Variants in RNF182 observed in about 807,000 individuals in gnomAD.
RNF182 encodes the protein E3 ubiquitin-protein ligase RNF182.
Under a neutral mutation model 14.4 loss-of-function variants are expected in RNF182, and 15 were observed. That is an observed-to-expected ratio of 1.04 (90% CI 0.70 to 1.60). RNF182 has a LOEUF of 1.60. RNF182 is among the 40% of genes most tolerant of loss of function. RNF182 has a pLI of 0.00. For missense variants in RNF182, 268 were observed against 294.8 expected, an observed-to-expected ratio of 0.91 and a Z score of 0.67; for synonymous variants, 128 against 122.9, an observed-to-expected ratio of 1.04 and a Z score of -0.27.
At chr6:13,953,542 T>C (rs183526474) in intron 1 of RNF182, among the ~76,000 whole-genome samples, 9 of 152,302 alleles carry the variant, frequency 5.9e-5, no homozygotes, top group Admixed American at 5.2e-4. Flanking sequence ...TCCAGTGTTT[T>C]ATATTCACGA....
At chr6:13,947,596 T>C in intron 1 of RNF182, among the ~76,000 whole-genome samples, 1 of 152,186 alleles carries the variant, frequency 6.6e-6, no homozygotes, top group East Asian at 1.9e-4. Context: ...TTTATGTGTG[T>C]CTGCAAATAT....
At chr6:13,941,457 C>T (rs537016244) in intron 1 of RNF182, among the ~76,000 whole-genome samples, 59 of 151,966 alleles carry the variant, frequency 3.9e-4, no homozygotes, top group South Asian at 6.2e-4. Context: ...TTTTATAAGC[C>T]GCATATAGCT....
intron 1 of RNF182, among the ~76,000 whole-genome samples, chr6:13,967,063 C>T (rs935943631): frequency 3.3e-5 from 5 of 152,044 alleles, no homozygotes; most frequent in Non-Finnish European, 1.5e-5. Flanking sequence ...GTCTCCAACT[C>T]TTGGGCTCAA....
At position 13,978,692 on chromosome 6, in the gene RNF182, A is replaced by G. The variant is rs925440998; in HGVS notation, c.*829A>G. 1 of 167,066 alleles carries G rather than the reference A, an allele frequency of 6.0e-6. No individual in the cohort carries two copies. The highest frequency in any genetic ancestry group is 2.4e-5 in the African/African-American group (1 of 41,444). The allele number at this position is 167,066 out of a possible 1,614,324, so 10.3% of individuals were successfully genotyped here. A position where few individuals can be genotyped will look rare whatever the true frequency, so the allele number is the denominator to read the frequency against. On this transcript the variant is annotated 3_prime_UTR_variant, in exon 3 of 3. Transcript: ENST00000488300. ...ATCTTAGTTTTGGTTTTTTTAAACC[A>G]CATTGCCCAATCAGCCTCACCCCTT...
chr6:13,973,027 T>A (rs1472636791), intron 1 of RNF182, among the ~76,000 whole-genome samples: 1 of 152,168 alleles, frequency 6.6e-6, no homozygotes, highest in Non-Finnish European at 1.5e-5. Context: ...AGGGAGGCTG[T>A]ACCCTACAGA....
chr6:13,944,166 T>C (rs1276180649), intron 1 of RNF182, among the ~76,000 whole-genome samples: 1 of 152,176 alleles, frequency 6.6e-6, no homozygotes, highest in East Asian at 1.9e-4. Context: ...GTAGAGGATT[T>C]ACATCTCAAA....
At position 13,938,567 on chromosome 6, in the gene RNF182, T is replaced by C. The variant is rs140388275; in HGVS notation, c.-367+13544T>C. Among the ~76,000 whole-genome samples, 583 of 152,314 alleles carry C rather than the reference T, an allele frequency of 3.8e-3. 4 individuals carry two copies. The highest frequency in any genetic ancestry group is 0.013 in the African/African-American group (547 of 41,572). ...TATTCTCCTATGCTACCAAGAAGTT[T>C]TATTGTTTTACTTTTCACATTTAGA... is the stretch of plus-strand genomic sequence containing the variant. On this transcript the variant is annotated intron_variant, in intron 1 of 2. Coordinates refer to ENST00000488300, the MANE Select transcript of RNF182 (RefSeq NM_152737.4).
chr6:13,929,802 C>G (rs1758920578), intron 1 of RNF182, among the ~76,000 whole-genome samples: 1 of 152,162 alleles, frequency 6.6e-6, no homozygotes, highest in African/African-American at 2.4e-5. Flanking sequence ...CTGATATCTA[C>G]TAAGTGTAGA....
At chr6:13,947,186 G>A (rs898466222) in intron 1 of RNF182, among the ~76,000 whole-genome samples, 2 of 152,136 alleles carry the variant, frequency 1.3e-5, no homozygotes, top group Non-Finnish European at 2.9e-5. Context: ...CATGCCTCAT[G>A]TTTCTTTTGA....
intron 1 of RNF182, among the ~76,000 whole-genome samples, chr6:13,925,541 T>C (rs1032831563): frequency 1.8e-4 from 28 of 152,124 alleles, no homozygotes; most frequent in African/African-American, 6.8e-4. Flanking sequence ...CGTTTGGATA[T>C]TGAATCGAAA....
chr6:13,960,692 T>TGTGTGTGTGCGCGCGC lies in RNF182; in HGVS notation c.-366-13517_-366-13516insTGTGTGTGCGCGCGCG, dbSNP rs367625022. ...GTGTGTGTGTGTGTGTGTGTGTGTG[T>TGTGTGTGTGCGCGCGC]GCGCGCGTGCACATGCATGTGATGT... On this transcript the variant is annotated intron_variant, in intron 1 of 2. Coordinates refer to ENST00000488300, the MANE Select transcript of RNF182 (RefSeq NM_152737.4). 6.4e-3 allele frequency among the ~76,000 whole-genome samples: 879 copies of TGTGTGTGTGCGCGCGC among 137,788 alleles called. 11 individuals carry two copies. The highest frequency in any genetic ancestry group is 0.021 in the African/African-American group (837 of 39,352). The allele number at this position is 137,788 out of a possible 152,430, so 90.4% of individuals were successfully genotyped here.
At chr6:13,926,546 T>C (rs550915834) in intron 1 of RNF182, among the ~76,000 whole-genome samples, 1 of 152,370 alleles carries the variant, frequency 6.6e-6, no homozygotes, top group African/African-American at 2.4e-5. Context: ...TTAAACTGAA[T>C]TTTACCTGTG....
chr6:13,941,297 T>C (rs1349664262), intron 1 of RNF182, among the ~76,000 whole-genome samples: 2 of 152,150 alleles, frequency 1.3e-5, no homozygotes, highest in Non-Finnish European at 2.9e-5. Flanking sequence ...TGGACACCTT[T>C]CCTCTCTGTA....
intron 1 of RNF182, among the ~76,000 whole-genome samples, chr6:13,968,387 A>G (rs1017433185): frequency 6.6e-6 from 1 of 152,248 alleles, no homozygotes; most frequent in African/African-American, 2.4e-5. Flanking sequence ...ACATTTGAAT[A>G]GGACAGTAAC....
At chr6:13,950,895 C>T (rs1009226395) in intron 1 of RNF182, among the ~76,000 whole-genome samples, 3 of 151,888 alleles carry the variant, frequency 2.0e-5, no homozygotes, top group African/African-American at 4.8e-5. Flanking sequence ...CTCTTGGGTT[C>T]AAGTGATTCT....
intron 1 of RNF182, among the ~76,000 whole-genome samples, chr6:13,946,791 C>T (rs1759450633): frequency 1.3e-5 from 2 of 152,238 alleles, no homozygotes; most frequent in African/African-American, 4.8e-5. Flanking sequence ...AATTTATCTT[C>T]TGTAGCTTCT....
chr6:13,945,227 G>T lies in RNF182; in HGVS notation c.-367+20204G>T, dbSNP rs187888255. Among the ~76,000 whole-genome samples the T allele has an allele frequency of 1.1e-3, 172 of 152,300 alleles. 1 individual carries two copies. Among genetic ancestry groups the T allele is most frequent in the Admixed American group, 1.1e-3 (17 of 15,294 alleles). ...CAGAAAGTTTAAGTGATTTACTCAA[G>T]ATCTCAGAGTCTGTACATTAGAGAG... On this transcript the variant is annotated intron_variant, in intron 1 of 2. Transcript: ENST00000488300.
chr6:13,965,446 G>C (rs1444915565), intron 1 of RNF182, among the ~76,000 whole-genome samples: 2 of 152,116 alleles, frequency 1.3e-5, no homozygotes, highest in Non-Finnish European at 2.9e-5. Context: ...TTAAAAATCA[G>C]GACTTGAGTC....
chr6:13,970,724 A>G (rs1760153830), intron 1 of RNF182, among the ~76,000 whole-genome samples: 1 of 152,192 alleles, frequency 6.6e-6, no homozygotes, highest in South Asian at 2.1e-4. Flanking sequence ...ATTTATAGTA[A>G]TGCATGAATA....
Sources: allele counts gnomAD v4.1 joint callset (sites outside exome capture counted in the v4.1 genomes callset), GRCh38; gene constraint gnomAD v4.1.1; transcripts MANE v1.5; gene names NCBI Gene and HGNC (gene_info 2026-07-23, HGNC 2026-07-21).